KIAA1755: variants seen among roughly 807,000 people sequenced by gnomAD.
The protein encoded by KIAA1755 is KIAA1755.
A neutral mutation model predicts 91.7 loss-of-function variants in KIAA1755; 68 were observed. The observed-to-expected ratio is 0.74, with a 90% confidence interval of 0.61 to 0.91. The LOEUF (loss-of-function observed/expected upper bound fraction) is 0.91, where lower values mean the gene tolerates loss of function less well. Ranked by LOEUF, KIAA1755 falls within the 40% of genes least tolerant of loss-of-function variation. The probability of loss-of-function intolerance (pLI) is 0.00; values close to 1 mark genes in which losing one functional copy is unlikely to be tolerated. For missense variants in KIAA1755, 1,535 were observed against 1,494.4 expected (o/e 1.03, Z -0.45); for synonymous variants, 610 against 604.6 (o/e 1.01, Z -0.13).
chr20:38,219,141 A>G (rs1348577232), intron 11 of KIAA1755, among the ~76,000 whole-genome samples: 1 of 152,174 alleles, frequency 6.6e-6, no homozygotes, highest in Non-Finnish European at 1.5e-5. Context: ...GGGCTGTCTG[A>G]TGCAGGAGTG....
rs140768307 is a variant in KIAA1755, at chr20:38,217,465, G to A, written c.2689C>T (p.Arg897Cys). The A allele has an allele frequency of 3.1e-5, 49 of 1,605,938 alleles. No individual in the cohort carries two copies. In the African/African-American group the frequency reaches 4.4e-4, roughly 14 times the overall value. The change falls in exon 13 of 14, where the codon CGC becomes TGC. Residue 897 changes from arginine to cysteine, a missense_variant. By Grantham distance (180) the Arg-to-Cys change is radical (BLOSUM62 -3). Transcript: ENST00000279024. ...NFFLQAAAQYRRGLELSKQAA... is the reference protein window; with the variant it reads ...NFFLQAAAQYCRGLELSKQAA... Reference sequence around the variant, plus strand: ...TGCTTGGACAGCTCCAGGCCTCGGCGGTACTGGGCCTGAGAGGGGAGAGGA... The same window carrying A: ...TGCTTGGACAGCTCCAGGCCTCGGCAGTACTGGGCCTGAGAGGGGAGAGGA...
rs2076009168 is a variant in KIAA1755, at chr20:38,239,192, C to T, written c.1747+336G>A. On this transcript the variant is annotated intron_variant, in intron 4 of 13. Transcript: ENST00000279024. ...TCCCCTGCCTTGACCCTCTGTCCTT[C>T]TCCTCAGAGCCCTCCTCCAATAGGT... is the stretch of plus-strand genomic sequence containing the variant. Among the ~76,000 whole-genome samples the T allele has an allele frequency of 2.0e-5, 3 of 152,248 alleles. No homozygotes were observed. The South Asian group carries it at 6.2e-4, about 31-fold the overall frequency.
intron 1 of KIAA1755, among the ~76,000 whole-genome samples, chr20:38,253,748 C>G (rs2076291815): frequency 6.6e-6 from 1 of 152,128 alleles, no homozygotes; most frequent in Admixed American, 6.5e-5. Context: ...CATTCCGTAA[C>G]CAGCTTGTAT....
At chr20:38,244,520 C>T (rs2076120646) in intron 2 of KIAA1755, among the ~76,000 whole-genome samples, 1 of 152,150 alleles carries the variant, frequency 6.6e-6, no homozygotes, top group Non-Finnish European at 1.5e-5. Context: ...CAGTGGGCAA[C>T]TCAGGACAGG....
chr20:38,217,470 TG>T lies in KIAA1755; in HGVS notation c.2683del (p.Gln895SerfsTer47), dbSNP rs761633425. The part of the protein sequence containing the change: ...FENFFLQAAA[Q>X]YRRGLELSKQ... ...GGACAGCTCCAGGCCTCGGCGGTACTGGGCCTGAGAGGGGAGAGGAGGGGGC... is the reference window on the plus strand; with the variant it reads ...GGACAGCTCCAGGCCTCGGCGGTACTGGCCTGAGAGGGGAGAGGAGGGGGC... On this transcript the variant is annotated frameshift_variant, in exon 13 of 14. Transcript: ENST00000279024. LOFTEE classifies it high-confidence loss of function. 3.7e-6 allele frequency: 6 copies of T among 1,601,658 alleles called. No individual in the cohort carries two copies. In the South Asian group the frequency reaches 6.7e-5, roughly 18 times the overall value.
intron 12 of KIAA1755, 99 bp downstream of exon 12, chr20:38,218,145 T>C: frequency 6.6e-7 from 1 of 1,514,824 alleles, no homozygotes; most frequent in Non-Finnish European, 9.0e-7. Context: ...GAACTTTTCT[T>C]GCTCTTTCCC....
Position 38,241,934 on chromosome 20 carries a change from G to A in KIAA1755, c.202-5C>T, listed in dbSNP as rs1343473325. 6.2e-7 allele frequency: 1 copy of A among 1,605,864 alleles called. No homozygotes were observed. The highest frequency in any genetic ancestry group is 8.5e-7 in the Non-Finnish European group (1 of 1,175,494). ...GAGGCAGTGTGAGTAGGGAGCCTGT[G>A]GAGAGAAGGGGATGGCATCAGAGAA... On this transcript the variant is annotated splice_polypyrimidine_tract_variant and splice_region_variant and intron_variant, in intron 2 of 13. Coordinates refer to ENST00000279024, the MANE Select transcript of KIAA1755 (RefSeq NM_001029864.2).
rs1568741729 is a variant in KIAA1755, at chr20:38,225,648, G to A, written c.2169+17C>T. ...AAGGAGTGGGGGTCAGGGGCTAAAG[G>A]CTGTGACGGTAAACACCTGGAAGAA... On this transcript the variant is annotated intron_variant, in intron 8 of 13. Transcript: ENST00000279024. 1.3e-6 allele frequency: 2 copies of A among 1,495,328 alleles called. No individual in the cohort carries two copies. The highest frequency in any genetic ancestry group is 1.9e-6 in the Non-Finnish European group (2 of 1,071,710). 92.6% of individuals were successfully genotyped at this position (1,495,328 alleles called of 1,614,324 possible).
At chr20:38,247,453 C>T (rs1434946832) in intron 1 of KIAA1755, among the ~76,000 whole-genome samples, 2 of 152,208 alleles carry the variant, frequency 1.3e-5, no homozygotes, top group Admixed American at 1.3e-4. Context: ...TCATTCAAGA[C>T]TCAGGTCAGC....
rs142550231 is a variant in KIAA1755, at chr20:38,225,742, C to T, written c.2092G>A (p.Val698Met). 3.7e-6 allele frequency: 6 copies of T among 1,602,882 alleles called. No homozygotes were observed. Among genetic ancestry groups the T allele is most frequent in the Middle Eastern group, 1.8e-4 (1 of 5,696 alleles). Reference protein sequence around the residue: ...LTSLKALSHHVDPSQLPAVLE... With the variant: ...LTSLKALSHHMDPSQLPAVLE... ...ACTGCGGGCAGCTGGCTGGGGTCCACATGGTGGCTGAGGGCCTTCAATGAG... is the reference window on the plus strand; with the variant it reads ...ACTGCGGGCAGCTGGCTGGGGTCCATATGGTGGCTGAGGGCCTTCAATGAG... Residue 698 changes from valine to methionine, a missense_variant, in exon 8 of 14, where the codon GTG becomes ATG. Val to Met is a conservative substitution (Grantham distance 21). Coordinates refer to ENST00000279024, the MANE Select transcript of KIAA1755 (RefSeq NM_001029864.2).
intron 5 of KIAA1755, among the ~76,000 whole-genome samples, chr20:38,229,788 G>A (rs920877881): frequency 7.9e-5 from 12 of 152,132 alleles, no homozygotes; most frequent in African/African-American, 2.9e-4. Context: ...CCTTGGGGAG[G>A]GGAGATTATT....
intron 4 of KIAA1755, among the ~76,000 whole-genome samples, chr20:38,234,514 G>A (rs1409647932): frequency 6.6e-6 from 1 of 152,206 alleles, no homozygotes; most frequent in East Asian, 1.9e-4. Context: ...GATTCATGAA[G>A]GAATGGAGGG....
intron 13 of KIAA1755, among the ~76,000 whole-genome samples, chr20:38,214,200 C>T (rs1041431419): frequency 1.3e-5 from 2 of 152,168 alleles, no homozygotes; most frequent in African/African-American, 4.8e-5. Flanking sequence ...ATCCACCCGC[C>T]GCAGCCTCCC....
chr20:38,219,481 G>T (rs2075615634), intron 11 of KIAA1755, 149 bp downstream of exon 11: 1 of 1,002,328 alleles, frequency 1.0e-6, no homozygotes, highest in Non-Finnish European at 1.5e-6. Context: ...TACGCCCCAA[G>T]GATGCCTGCC....
intron 1 of KIAA1755, among the ~76,000 whole-genome samples, chr20:38,255,279 A>G (rs2076321264): frequency 6.6e-6 from 1 of 152,180 alleles, no homozygotes; most frequent in South Asian, 2.1e-4. Flanking sequence ...CAGGGGCCTG[A>G]CAGGTAACAT....
In KIAA1755 at chr20:38,259,444, CGTGCATGTGTATGTGTGT is replaced by C. The variant is rs374603773; in HGVS notation, c.3+1036_3+1053del. 1.8e-4 allele frequency among the ~76,000 whole-genome samples: 27 copies of C among 148,030 alleles called. No homozygotes were observed. In the East Asian group the frequency reaches 2.1e-3, roughly 12 times the overall value. ...TGGGAGCATTCAGGTGTGCTCTGTG[CGTGCATGTGTATGTGTGT>C]GTGCATGTGTACGTGTGTGTGCATG... is the stretch of plus-strand genomic sequence containing the variant. On this transcript the variant is annotated intron_variant, in intron 1 of 13. Coordinates refer to ENST00000279024, the MANE Select transcript of KIAA1755 (RefSeq NM_001029864.2).
Position 38,213,553 on chromosome 20 carries a change from T to C in KIAA1755, c.3092A>G (p.Gln1031Arg). 6.2e-7 allele frequency: 1 copy of C among 1,608,758 alleles called. No homozygotes were observed. Among genetic ancestry groups the C allele is most frequent in the Non-Finnish European group, 8.5e-7 (1 of 1,177,484 alleles). Residue 1031 changes from glutamine (Q) to arginine (R), a missense_variant, in exon 14 of 14, where the codon CAG (glutamine) becomes CGG (arginine). Gln to Arg is a conservative substitution (Grantham distance 43, BLOSUM62 1). Coordinates refer to ENST00000279024, the MANE Select transcript of KIAA1755 (RefSeq NM_001029864.2). ...GATCCGGGCCTCCTCCCATAGCTCC[T>C]GGCCCAGGCCTGCCCGGCTCAGGGA... ...VASLSRAGLG[Q>R]ELWEEARIRH...
At position 38,227,236 on chromosome 20, in the gene KIAA1755, T is replaced by C; in HGVS notation, c.1970A>G (p.Gln657Arg). ...AATAGCCCGGATAGAGGCTGGGACCTGAGCCTGTCAAAGACAACCACTGCA... is the reference window on the plus strand; with the variant it reads ...AATAGCCCGGATAGAGGCTGGGACCCGAGCCTGTCAAAGACAACCACTGCA... ...LVSALQATQA[Q>R]VPASIRAILF... The change falls in exon 7 of 14, where the codon CAG (glutamine) becomes CGG (arginine). Residue 657 changes from glutamine to arginine, a missense_variant. Coordinates refer to ENST00000279024, the MANE Select transcript of KIAA1755 (RefSeq NM_001029864.2). The C allele has an allele frequency of 6.2e-7, 1 of 1,613,130 alleles. No individual in the cohort carries two copies. Among genetic ancestry groups the C allele is most frequent in the Non-Finnish European group, 8.5e-7 (1 of 1,179,322 alleles).
chr20:38,241,914 A>C lies in KIAA1755; in HGVS notation c.217T>G (p.Cys73Gly), dbSNP rs2076076080. Residue 73 changes from cysteine (C) to glycine (G), a missense_variant, in exon 3 of 14, where the codon TGC (cysteine) becomes GGC (glycine). Physicochemically the swap from Cys to Gly is radical, Grantham distance 159. Transcript: ENST00000279024. ...REAACAPYSH[C>G]LFLHEGWPLC... ...GGCCAGCCCTCGTGTAAGAAGAGGC[A>C]GTGTGAGTAGGGAGCCTGTGGAGAG... The C allele has an allele frequency of 6.2e-7, 1 of 1,612,842 alleles. No individual in the cohort carries two copies. Among genetic ancestry groups the C allele is most frequent in the Non-Finnish European group, 8.5e-7 (1 of 1,179,604 alleles).
Sources: gnomAD v4.1 joint callset for allele counts (sites outside exome capture counted in the v4.1 genomes callset) on GRCh38, gnomAD v4.1.1 for gene constraint, MANE v1.5 for transcripts, NCBI Gene and HGNC (gene_info 2026-07-23, HGNC 2026-07-21) for gene names.